The following NSF variants were observed in gnomAD, a reference collection of about 807,000 sequenced individuals.
The protein encoded by NSF is N-ethylmaleimide sensitive factor, vesicle fusing ATPase.
In NSF, 14 loss-of-function variants were observed where a neutral mutation model predicts 50.3. The observed-to-expected ratio is 0.28, with a 90% CI of 0.18 to 0.44. The LOEUF is 0.44. Among genes scored for constraint, NSF ranks in the 20% least tolerant of loss-of-function variants. The pLI is 1.00. For synonymous variants in NSF, 109 were observed against 175.7 expected (o/e 0.62, Z 3.00); for missense variants, 218 against 504.3 (o/e 0.43, Z 5.44).
At chr17:46,750,549 G>A (rs1417840009) in intron 18 of NSF, among the ~76,000 whole-genome samples, 1 of 152,156 alleles carries the variant, frequency 6.6e-6, no homozygotes, top group East Asian at 1.9e-4. Flanking sequence ...TTTTGGATTA[G>A]GGATACTCAA....
At chr17:46,648,225 A>AT (rs1332497659) in intron 8 of NSF, among the ~76,000 whole-genome samples, 1 of 41,878 alleles carries the variant, frequency 2.4e-5, no homozygotes, top group Admixed American at 3.0e-4. Flanking sequence ...ATTTATAAAG[A>AT]TTTTTTTTTA....
At position 46,719,209 on chromosome 17, in the gene NSF, T is replaced by A. The variant is rs1273410824; in HGVS notation, c.1761+5223T>A. 6.6e-6 allele frequency among the ~76,000 whole-genome samples: 1 copy of A among 152,194 alleles called. No individual in the cohort carries two copies. The highest frequency in any genetic ancestry group is 1.5e-5 in the Non-Finnish European group (1 of 68,028). The stretch of plus-strand genomic sequence containing the variant: ...TTTTCAAAATGTTTTGCAATGACAA[T>A]AGTCTGTGAAACTGAAAAATATGTA... On this transcript the variant is annotated intron_variant, in intron 15 of 20. Transcript: ENST00000398238. The surrounding 1 kb of genome is among the most constrained non-coding windows in gnomAD (Gnocchi z 4.3).
rs147934967 is a variant in NSF at position 46,671,889 on chromosome 17, AT to A, written c.746-2515del. 3.2e-3 allele frequency among the ~76,000 whole-genome samples: 449 copies of A among 141,800 alleles called. 30 individuals are homozygous for A. Among genetic ancestry groups the A allele is most frequent in the East Asian group, 0.024 (124 of 5,154 alleles). The allele number at this position is 141,800 out of a possible 152,430, so 93.0% of individuals were successfully genotyped here. On this transcript the variant is annotated intron_variant, in intron 8 of 20. Coordinates refer to ENST00000398238, the MANE Select transcript of NSF (RefSeq NM_006178.4). ...CGGAAAGTCTCAGTCTTGCAAATGT[AT>A]TTTTTTTTTAAGTATTTAAATTAGC... is the stretch of plus-strand genomic sequence containing the variant.
At chr17:46,709,348 A>C (rs1207695697) in intron 13 of NSF, among the ~76,000 whole-genome samples, 1 of 152,220 alleles carries the variant, frequency 6.6e-6, no homozygotes, top group African/African-American at 2.4e-5. Context: ...GATAAAAAAA[A>C]AATGAAATTA....
Position 46,684,782 on chromosome 17 carries a change from A to C in NSF, c.946-8121A>C, listed in dbSNP as rs911852825. ...TAAAACCGTAAAAATCCTAAAAAAA[A>C]CCGTAGGCAATACCTTTCAGGACAT... On this transcript the variant is annotated intron_variant, in intron 9 of 20. Coordinates refer to ENST00000398238, the MANE Select transcript of NSF (RefSeq NM_006178.4). 1.2e-4 allele frequency among the ~76,000 whole-genome samples: 15 copies of C among 129,748 alleles called. 1 individual carries two copies. Among genetic ancestry groups the C allele is most frequent in the Non-Finnish European group, 2.4e-4 (15 of 61,346 alleles). 85.1% of individuals were successfully genotyped at this position (129,748 alleles called of 152,430 possible).
intron 1 of NSF, among the ~76,000 whole-genome samples, chr17:46,612,231 A>T (rs1349058883): frequency 3.8e-5 from 4 of 104,442 alleles, no homozygotes; most frequent in Non-Finnish European, 5.7e-5. Context: ...TTTTTTTTTT[A>T]AAGACAGTAA....
At chr17:46,734,424 G>A (rs1319447066) in intron 17 of NSF, among the ~76,000 whole-genome samples, 1 of 152,044 alleles carries the variant, frequency 6.6e-6, no homozygotes, top group Non-Finnish European at 1.5e-5. Flanking sequence ...TGACAGTTTA[G>A]TGGCCTTCTT....
intron 17 of NSF, among the ~76,000 whole-genome samples, chr17:46,731,271 T>C (rs1188623142): frequency 6.6e-6 from 1 of 152,094 alleles, no homozygotes; most frequent in African/African-American, 2.4e-5. Context: ...TTACATGAAA[T>C]GTCCAGGACT....
chr17:46,728,389 A>AT (rs1162003775), intron 16 of NSF, among the ~76,000 whole-genome samples: 16 of 151,614 alleles, frequency 1.1e-4, no homozygotes, highest in Non-Finnish European at 1.8e-4. Context: ...TACACCTGGA[A>AT]TTTTTTTTTC....
At chr17:46,747,385 A>T (rs565832702) in intron 17 of NSF, among the ~76,000 whole-genome samples, 1 of 152,230 alleles carries the variant, frequency 6.6e-6, no homozygotes, top group East Asian at 1.9e-4. Context: ...GGCTCAAGCG[A>T]TCTGCTCACC....
At chr17:46,671,924 G>A (rs2058373447) in intron 8 of NSF, among the ~76,000 whole-genome samples, 1 of 144,492 alleles carries the variant, frequency 6.9e-6, no homozygotes, top group South Asian at 2.1e-4. Context: ...GCTCAGCTAT[G>A]AGAATAAGCA....
intron 17 of NSF, among the ~76,000 whole-genome samples, chr17:46,748,047 G>C (rs1398049708): frequency 6.6e-6 from 1 of 152,162 alleles, no homozygotes; most frequent in Non-Finnish European, 1.5e-5. Flanking sequence ...GATAGCATTT[G>C]TCTTTTAGCC....
intron 4 of NSF, among the ~76,000 whole-genome samples, chr17:46,631,061 T>TACACACACACACACACACACACACAC (rs61399986): frequency 2.8e-4 from 34 of 122,834 alleles, no homozygotes; most frequent in South Asian, 7.9e-4. Flanking sequence ...TCTCTCTCTG[T>TACACACACACACACACACACACACAC]ACACACACAC....
intron 9 of NSF, among the ~76,000 whole-genome samples, chr17:46,691,943 G>A (rs951271289): frequency 1.3e-5 from 2 of 150,682 alleles, no homozygotes; most frequent in African/African-American, 4.9e-5. Context: ...AGTAGAGATA[G>A]GGTTTCACCA....
At chr17:46,679,692 CAAAA>C (rs140927640) in intron 9 of NSF, among the ~76,000 whole-genome samples, 1 of 101,520 alleles carries the variant, frequency 9.9e-6, no homozygotes, top group Non-Finnish European at 2.0e-5. Context: ...AACTCCATGT[CAAAA>C]AAAAAAAAAA....
intron 16 of NSF, among the ~76,000 whole-genome samples, chr17:46,728,630 T>G (rs559897565): frequency 6.6e-6 from 1 of 152,228 alleles, no homozygotes; most frequent in Admixed American, 6.5e-5. Flanking sequence ...GTTCTTATAT[T>G]TTAAGCATTT....
intron 12 of NSF, among the ~76,000 whole-genome samples, chr17:46,703,797 A>G (rs2146245946): frequency 6.8e-6 from 1 of 147,068 alleles, no homozygotes; most frequent in East Asian, 2.0e-4. Flanking sequence ...TGCAACCATC[A>G]CTACCATTCA....
chr17:46,714,862 G>T (rs1280181664), intron 15 of NSF, among the ~76,000 whole-genome samples: 2 of 152,186 alleles, frequency 1.3e-5, no homozygotes, highest in East Asian at 3.8e-4. Context: ...TCAGAATGAG[G>T]TGAAAGAATC....
chr17:46,659,638 GC>G (rs1478052883), intron 8 of NSF, among the ~76,000 whole-genome samples: 6 of 142,004 alleles, frequency 4.2e-5, no homozygotes, highest in Non-Finnish European at 7.4e-5. Context: ...CCTTCCTTTT[GC>G]CTTTCTTCTT....
Sources: allele counts gnomAD v4.1 joint callset (sites outside exome capture counted in the v4.1 genomes callset), GRCh38; gene constraint gnomAD v4.1.1; non-coding constraint Gnocchi (gnomAD v3.1); transcripts MANE v1.5; gene names NCBI Gene and HGNC (gene_info 2026-07-23, HGNC 2026-07-21).